Variants in USP31 observed in about 807,000 individuals in gnomAD.
USP31 encodes the protein ubiquitin specific peptidase 31.
In USP31, 44 loss-of-function variants were observed where a neutral mutation model predicts 119.4. That is an observed-to-expected ratio of 0.37 (90% CI 0.29 to 0.47). The LOEUF (loss-of-function observed/expected upper bound fraction) is 0.47. Among genes scored for constraint, USP31 ranks in the 20% least tolerant of loss-of-function variants. The pLI, the probability that USP31 is intolerant of heterozygous loss-of-function variation, is 0.99. For missense variants in USP31, 1,643 were observed against 1,730.2 expected, an observed-to-expected ratio of 0.95 and a Z score of 0.89; for synonymous variants, 749 against 705.6, an observed-to-expected ratio of 1.06 and a Z score of -0.97.
intron 11 of USP31, among the ~76,000 whole-genome samples, chr16:23,082,812 T>C (rs1040138503): frequency 1.3e-5 from 2 of 150,384 alleles, no homozygotes; most frequent in Admixed American, 6.7e-5. Flanking sequence ...ATGTTAAATA[T>C]GTTACTTTCT....
Position 23,067,699 on chromosome 16 carries a change from C to T in USP31, c.*347G>A, listed in dbSNP as rs1567222141. ...CACTAATGGTAGCTTTTCTGGTTCA[C>T]AGGTTTCAAAACCCTCATATCCAAA... On this transcript the variant is annotated 3_prime_UTR_variant, in exon 16 of 16. Transcript: ENST00000219689. 5.7e-6 allele frequency: 1 copy of T among 176,758 alleles called. No homozygotes were observed. The allele number at this position is 176,758 out of a possible 1,614,324, so 10.9% of individuals were successfully genotyped here. A position where few individuals can be genotyped will look rare whatever the true frequency, so the allele number is the denominator to read the frequency against.
intron 5 of USP31, among the ~76,000 whole-genome samples, chr16:23,103,410 A>G (rs1901965465): frequency 6.6e-6 from 1 of 152,232 alleles, no homozygotes; most frequent in South Asian, 2.1e-4. Flanking sequence ...TATTTGCACT[A>G]ACATGCAAAA....
Position 23,126,641 on chromosome 16 carries a change from G to T in USP31, c.634-18458C>A, listed in dbSNP as rs185246077. On this transcript the variant is annotated intron_variant, in intron 1 of 15. Transcript: ENST00000219689. ...GACTCTGTCTCAAAAAAAAAAAAAA[G>T]AAATAAAAAAGGGACTCAGAGAAGT... Among the ~76,000 whole-genome samples the T allele has an allele frequency of 1.1e-3, 151 of 142,248 alleles. 1 individual carries two copies. Among genetic ancestry groups the T allele is most frequent in the African/African-American group, 3.4e-3 (135 of 39,840 alleles). 93.3% of individuals were successfully genotyped at this position (142,248 alleles called of 152,430 possible).
chr16:23,074,888 A>C (rs983495330), intron 13 of USP31, among the ~76,000 whole-genome samples: 1 of 152,224 alleles, frequency 6.6e-6, no homozygotes, highest in Non-Finnish European at 1.5e-5. Context: ...TTTTCTAAAA[A>C]TATGCATTTA....
At chr16:23,140,664 T>C (rs1486592681) in intron 1 of USP31, among the ~76,000 whole-genome samples, 1 of 152,140 alleles carries the variant, frequency 6.6e-6, no homozygotes, top group Non-Finnish European at 1.5e-5. Context: ...GCCTCCAAAA[T>C]GTTTATCTTA....
At chr16:23,072,987 G>C (rs1434226093) in intron 14 of USP31, among the ~76,000 whole-genome samples, 3 of 151,996 alleles carry the variant, frequency 2.0e-5, no homozygotes, top group African/African-American at 7.3e-5. Context: ...AGAGAAGCAA[G>C]GATTCATAGC....
At chr16:23,127,525 C>T (rs1182681216) in intron 1 of USP31, among the ~76,000 whole-genome samples, 17 of 152,166 alleles carry the variant, frequency 1.1e-4, no homozygotes, top group Admixed American at 8.5e-4. Context: ...TGTAGTGGCA[C>T]GATCTCAGCT....
rs1442136102 is a variant in USP31 at position 23,087,846 on chromosome 16, T to C, written c.1416-11A>G. ...AAAGGCAGTCCAAATCTAACACACATCAACAATGTAATCACCTTTAAAGTA... is the reference window on the plus strand; with the variant it reads ...AAAGGCAGTCCAAATCTAACACACACCAACAATGTAATCACCTTTAAAGTA... On this transcript the variant is annotated splice_polypyrimidine_tract_variant and intron_variant, in intron 7 of 15. Coordinates refer to ENST00000219689, the MANE Select transcript of USP31 (RefSeq NM_020718.4). 1.9e-6 allele frequency: 3 copies of C among 1,605,700 alleles called. No homozygotes were observed. Among genetic ancestry groups the C allele is most frequent in the Non-Finnish European group, 2.6e-6 (3 of 1,173,716 alleles).
At position 23,069,069 on chromosome 16, in the gene USP31, T is replaced by C; in HGVS notation, c.3036A>G (p.Pro1012=). 6.2e-7 allele frequency: 1 copy of C among 1,612,484 alleles called. No homozygotes were observed. The highest frequency in any genetic ancestry group is 8.5e-7 in the Non-Finnish European group (1 of 1,180,008). ...TCTCTGGTTTCTTTGCGAGTGAGCC[T>C]GGGTGGCTGGGGGCTTTCACCTCTT... The part of the protein sequence containing the change: ...PVKEVKAPSH[P]GSLAKKPEST... Residue 1012 remains proline (P), a synonymous_variant, in exon 16 of 16, where the codon CCA becomes CCG. Transcript: ENST00000219689.
intron 1 of USP31, among the ~76,000 whole-genome samples, chr16:23,121,569 G>C (rs1045916444): frequency 2.0e-5 from 3 of 152,204 alleles, no homozygotes; most frequent in Non-Finnish European, 4.4e-5. Context: ...AGCAAACAAA[G>C]AGAAGAGTGT....
chr16:23,146,645 T>C (rs896012997), intron 1 of USP31, among the ~76,000 whole-genome samples: 3 of 152,092 alleles, frequency 2.0e-5, no homozygotes, highest in Non-Finnish European at 2.9e-5. Flanking sequence ...ACGATTTTTT[T>C]CCAAGAAAAA....
intron 14 of USP31, chr16:23,072,412 G>A (rs1900386288): frequency 1.6e-6 from 1 of 629,224 alleles, no homozygotes; most frequent in Non-Finnish European, 2.8e-6. Context: ...CCTGACGCAT[G>A]AAATTTGTAG....
chr16:23,082,831 CTTTT>C (rs71151692), intron 11 of USP31, among the ~76,000 whole-genome samples: 6 of 129,312 alleles, frequency 4.6e-5, no homozygotes, highest in Admixed American at 1.7e-4. Context: ...CTTTCTCTCT[CTTTT>C]TTTTTTTTTT....
intron 1 of USP31, among the ~76,000 whole-genome samples, 170 bp from the exon 2 acceptor site, chr16:23,108,353 A>C (rs1902193388): frequency 6.6e-6 from 1 of 152,218 alleles, no homozygotes; most frequent in African/African-American, 2.4e-5. Context: ...CACCCCTAGA[A>C]ACATGTACCA....
chr16:23,085,321 G>C (rs978767191), intron 10 of USP31, among the ~76,000 whole-genome samples: 2 of 152,154 alleles, frequency 1.3e-5, no homozygotes, highest in Non-Finnish European at 2.9e-5. Flanking sequence ...AAAAATCAAA[G>C]TAAATTGAAC....
At chr16:23,097,070 G>T (rs1901645269) in intron 6 of USP31, among the ~76,000 whole-genome samples, 1 of 151,744 alleles carries the variant, frequency 6.6e-6, no homozygotes, top group South Asian at 2.1e-4. Flanking sequence ...TTTTTGAAAA[G>T]ATCAACAAAA....
At chr16:23,075,687 T>C (rs537872306) in intron 13 of USP31, among the ~76,000 whole-genome samples, 1 of 152,364 alleles carries the variant, frequency 6.6e-6, no homozygotes, top group African/African-American at 2.4e-5. Context: ...AAGTTCTTCA[T>C]CACAGATGGT....
At chr16:23,089,657 T>G (rs559010001) in intron 7 of USP31, among the ~76,000 whole-genome samples, 1 of 152,320 alleles carries the variant, frequency 6.6e-6, no homozygotes, top group South Asian at 2.1e-4. Context: ...ACTGAGTCCT[T>G]TCTCCTTGAA....
In USP31 at chr16:23,087,730, G is replaced by A; in HGVS notation, c.1521C>T (p.Cys507=). The A allele has an allele frequency of 6.2e-7, 1 of 1,613,914 alleles. No individual in the cohort carries two copies. The highest frequency in any genetic ancestry group is 8.5e-7 in the Non-Finnish European group (1 of 1,179,876). ...TATCAAAATGCTTACAAACCTGAAT[G>A]CAAACCGTGGGCCTCAAGAAATACT... ...KMKYFLRPTV[C]IQVCPFSLRV... The change falls in exon 8 of 16, where the codon TGC becomes TGT. Residue 507 remains cysteine (C), a synonymous_variant. Coordinates refer to ENST00000219689, the MANE Select transcript of USP31 (RefSeq NM_020718.4).
Sources: allele counts gnomAD v4.1 joint callset (sites outside exome capture counted in the v4.1 genomes callset), GRCh38; gene constraint gnomAD v4.1.1; transcripts MANE v1.5; gene names NCBI Gene and HGNC (gene_info 2026-07-23, HGNC 2026-07-21).